The following ARHGAP42 variants were observed in gnomAD, a reference collection of about 807,000 sequenced individuals.
The protein encoded by ARHGAP42 is Rho GTPase activating protein 42, also known as rho GTPase-activating protein 42.
In ARHGAP42, 63 loss-of-function variants were observed where a neutral mutation model predicts 125.0. The observed-to-expected ratio is 0.50, with a 90% confidence interval of 0.41 to 0.62. ARHGAP42 has a LOEUF of 0.62. Ranked by LOEUF, ARHGAP42 falls within the 20% of genes least tolerant of loss-of-function variation. The pLI, the probability that ARHGAP42 is intolerant of heterozygous loss-of-function variation, is 0.00. For synonymous variants in ARHGAP42, 339 were observed against 351.0 expected (o/e 0.97, Z 0.38); for missense variants, 766 against 1,024.2 (o/e 0.75, Z 3.44).
chr11:100,862,994 G>A (rs1401899113), intron 4 of ARHGAP42, among the ~76,000 whole-genome samples: 2 of 142,434 alleles, frequency 1.4e-5, no homozygotes, highest in Non-Finnish European at 3.0e-5. Flanking sequence ...CCAGGATCAC[G>A]CCATTTCACT....
chr11:100,966,292 G>A (rs76672861), intron 17 of ARHGAP42, among the ~76,000 whole-genome samples: 2,145 of 152,180 alleles, frequency 0.014, 51 homozygotes, highest in African/African-American at 0.049. Flanking sequence ...GTATTAGCCA[G>A]AGCTATCTGC....
intron 1 of ARHGAP42, among the ~76,000 whole-genome samples, chr11:100,714,737 G>A (rs369389760): frequency 8.5e-5 from 13 of 152,156 alleles, no homozygotes; most frequent in Middle Eastern, 3.4e-3. Flanking sequence ...TAGACCTAAA[G>A]AATTCTTATT....
At chr11:100,699,799 A>G (rs1015500276) in intron 1 of ARHGAP42, among the ~76,000 whole-genome samples, 4 of 152,078 alleles carry the variant, frequency 2.6e-5, no homozygotes, top group African/African-American at 9.7e-5. Flanking sequence ...CTGGGATTAC[A>G]GGCATGAGCC....
rs1238749721 is a variant in ARHGAP42, at chr11:100,748,031, C to T, written c.155-22312C>T. On this transcript the variant is annotated intron_variant, in intron 1 of 23. Transcript: ENST00000298815. ...GATAACCATTCTTTTCCAAAGCAAA[C>T]TTCTGTCATGTCTGTGTACTAAACT... Among the ~76,000 whole-genome samples, 3 of 147,276 alleles carry T rather than the reference C, an allele frequency of 2.0e-5. No individual in the cohort carries two copies. In the East Asian group the frequency reaches 6.4e-4, roughly 32 times the overall value.
chr11:100,988,986 T>G lies in ARHGAP42; in HGVS notation c.*185T>G, dbSNP rs1056977860. 10 of 492,910 alleles carry G rather than the reference T, an allele frequency of 2.0e-5. No individual in the cohort carries two copies. Among genetic ancestry groups the G allele is most frequent in the African/African-American group, 1.7e-4 (9 of 52,842 alleles). 30.5% of individuals were successfully genotyped at this position (492,910 alleles called of 1,614,324 possible). ...AAAAAAAGATTTAAATTGTTGGCCATTCTTTTTTGGTTGGTTTCTTATTTT... is the reference window on the plus strand; with the variant it reads ...AAAAAAAGATTTAAATTGTTGGCCAGTCTTTTTTGGTTGGTTTCTTATTTT... On this transcript the variant is annotated 3_prime_UTR_variant, in exon 24 of 24. Transcript: ENST00000298815.
At chr11:100,828,814 A>C (rs943015422) in intron 3 of ARHGAP42, among the ~76,000 whole-genome samples, 1 of 151,842 alleles carries the variant, frequency 6.6e-6, no homozygotes, top group Non-Finnish European at 1.5e-5. Context: ...TGGCCTCCCA[A>C]AGTGCTGTGA....
chr11:100,730,172 GT>G (rs1434495669), intron 1 of ARHGAP42, among the ~76,000 whole-genome samples: 2 of 152,044 alleles, frequency 1.3e-5, no homozygotes, highest in African/African-American at 4.8e-5. Flanking sequence ...TTTAAGGAAA[GT>G]TTGATGTACT....
At chr11:100,696,772 C>T (rs1861292161) in intron 1 of ARHGAP42, among the ~76,000 whole-genome samples, 1 of 152,018 alleles carries the variant, frequency 6.6e-6, no homozygotes, top group Non-Finnish European at 1.5e-5. Flanking sequence ...AAACTCCTGG[C>T]CTCAGTCAGT....
chr11:100,824,550 T>C (rs537969642), intron 3 of ARHGAP42, among the ~76,000 whole-genome samples: 1 of 152,280 alleles, frequency 6.6e-6, no homozygotes, highest in Non-Finnish European at 1.5e-5. Flanking sequence ...ATTCAATAAC[T>C]AGTTGTATAT....
chr11:100,950,412 T>G (rs1032985250), intron 12 of ARHGAP42, among the ~76,000 whole-genome samples: 7 of 150,796 alleles, frequency 4.6e-5, no homozygotes, highest in African/African-American at 1.7e-4. Flanking sequence ...CTTCTTTGTC[T>G]TATTTTCTCT....
At chr11:100,778,869 C>A (rs1863197630) in intron 2 of ARHGAP42, among the ~76,000 whole-genome samples, 1 of 152,106 alleles carries the variant, frequency 6.6e-6, no homozygotes, top group Non-Finnish European at 1.5e-5. Flanking sequence ...ACATTAATCC[C>A]CTAAAACCTC....
intron 17 of ARHGAP42, among the ~76,000 whole-genome samples, chr11:100,968,687 C>A (rs1219415513): frequency 6.6e-6 from 1 of 152,026 alleles, no homozygotes; most frequent in Non-Finnish European, 1.5e-5. Context: ...TTAACCTTTT[C>A]ATTTGTTCCT....
chr11:100,872,439 A>C (rs1377244660), intron 4 of ARHGAP42, among the ~76,000 whole-genome samples: 1 of 152,030 alleles, frequency 6.6e-6, no homozygotes, highest in Non-Finnish European at 1.5e-5. Flanking sequence ...TCTGTCACCT[A>C]GGCTGGAGTG....
intron 3 of ARHGAP42, among the ~76,000 whole-genome samples, chr11:100,801,427 C>T (rs1206878985): frequency 1.3e-5 from 2 of 152,036 alleles, no homozygotes; most frequent in African/African-American, 4.8e-5. Context: ...CGACTGGATG[C>T]AGTTGCTCAT....
At chr11:100,830,038 A>G (rs1200050065) in intron 3 of ARHGAP42, among the ~76,000 whole-genome samples, 1 of 152,220 alleles carries the variant, frequency 6.6e-6, no homozygotes, top group African/African-American at 2.4e-5. Context: ...GTAGAATAAC[A>G]ATAAAAGCAA....
chr11:100,830,614 C>A (rs1477567815), intron 3 of ARHGAP42, among the ~76,000 whole-genome samples: 4 of 152,182 alleles, frequency 2.6e-5, no homozygotes, highest in African/African-American at 9.7e-5. Context: ...AAGCCCTGAT[C>A]TAGAAAATAA....
At chr11:100,891,164 A>G (rs745975185) in intron 4 of ARHGAP42, among the ~76,000 whole-genome samples, 7 of 152,176 alleles carry the variant, frequency 4.6e-5, no homozygotes, top group Non-Finnish European at 1.0e-4. Flanking sequence ...TCTGGGTTTC[A>G]AACATATGTT....
At chr11:100,965,622 A>G (rs1472316521) in intron 16 of ARHGAP42, 49 bp from the exon 17 acceptor site, 1 of 1,443,524 alleles carries the variant, frequency 6.9e-7, no homozygotes, top group Non-Finnish European at 9.5e-7. Flanking sequence ...TACATACCCA[A>G]TTGAATGGAA....
At chr11:100,738,933 G>C (rs1335725907) in intron 1 of ARHGAP42, among the ~76,000 whole-genome samples, 1 of 152,152 alleles carries the variant, frequency 6.6e-6, no homozygotes, top group Non-Finnish European at 1.5e-5. Context: ...CAATCAGGAG[G>C]CCACTCCTAT....
Sources: allele counts gnomAD v4.1 joint callset (sites outside exome capture counted in the v4.1 genomes callset), GRCh38; gene constraint gnomAD v4.1.1; transcripts MANE v1.5; gene names NCBI Gene and HGNC (gene_info 2026-07-23, HGNC 2026-07-21).